Variants in ARHGAP15 observed in about 807,000 individuals in gnomAD.
The protein encoded by ARHGAP15 is Rho GTPase activating protein 15.
Under a neutral mutation model 63.7 loss-of-function variants are expected in ARHGAP15, and 51 were observed. The ratio of observed to expected loss-of-function variants is 0.80; its 90% CI spans 0.64 to 1.01. The LOEUF is 1.01. Ranked by LOEUF, ARHGAP15 falls within the 50% of genes least tolerant of loss-of-function variation. ARHGAP15 has a pLI of 0.00. For synonymous variants in ARHGAP15, 191 were observed against 193.8 expected, an observed-to-expected ratio of 0.99 and a Z score of 0.12; for missense variants, 560 against 564.6, an observed-to-expected ratio of 0.99 and a Z score of 0.08.
intron 9 of ARHGAP15, among the ~76,000 whole-genome samples, chr2:143,489,481 C>T (rs1462690033): frequency 2.0e-5 from 3 of 152,110 alleles, no homozygotes; most frequent in Non-Finnish European, 2.9e-5. Flanking sequence ...AATGTAGTCA[C>T]TTCTTGGGCT....
intron 2 of ARHGAP15, among the ~76,000 whole-genome samples, chr2:143,191,124 GT>G (rs1007890759): frequency 2.6e-5 from 4 of 152,238 alleles, no homozygotes; most frequent in South Asian, 2.1e-4. Flanking sequence ...AAAAGGTCAG[GT>G]TTTTTTCTTT....
chr2:143,574,176 A>G (rs1287670485), intron 11 of ARHGAP15, among the ~76,000 whole-genome samples: 1 of 152,128 alleles, frequency 6.6e-6, no homozygotes, highest in Non-Finnish European at 1.5e-5. Context: ...ACTCACTCAC[A>G]CACATCCCTT....
intron 6 of ARHGAP15, among the ~76,000 whole-genome samples, chr2:143,258,788 A>G (rs1007192644): frequency 3.3e-5 from 5 of 152,082 alleles, no homozygotes; most frequent in Admixed American, 2.0e-4. Context: ...GTTTAGATGC[A>G]TTTCTTTTTA....
intron 10 of ARHGAP15, among the ~76,000 whole-genome samples, chr2:143,519,807 G>T (rs2104984659): frequency 6.6e-6 from 1 of 152,262 alleles, no homozygotes; most frequent in Non-Finnish European, 1.5e-5. Flanking sequence ...ACATGTCTCT[G>T]TTCAGTACAG....
chr2:143,237,596 G>C (rs912180420), intron 5 of ARHGAP15: 4 of 152,146 alleles, frequency 2.6e-5, no homozygotes, highest in Non-Finnish European at 5.9e-5. Context: ...CATCTGTTTA[G>C]TGTCACACCC....
At chr2:143,459,880 C>T (rs1291403953) in intron 8 of ARHGAP15, among the ~76,000 whole-genome samples, 1 of 151,980 alleles carries the variant, frequency 6.6e-6, no homozygotes, top group Non-Finnish European at 1.5e-5. Flanking sequence ...AAGTATGAAG[C>T]ATACTTAGAA....
At chr2:143,528,453 T>A (rs964594303) in intron 10 of ARHGAP15, among the ~76,000 whole-genome samples, 3 of 152,108 alleles carry the variant, frequency 2.0e-5, no homozygotes, top group Non-Finnish European at 4.4e-5. Flanking sequence ...TGATAGAGAC[T>A]GTCCAATAAT....
intron 11 of ARHGAP15, chr2:143,607,869 A>T (rs1412332397): frequency 6.6e-6 from 1 of 152,134 alleles, no homozygotes; most frequent in Non-Finnish European, 1.5e-5. Flanking sequence ...GTTAATACTG[A>T]TCTGCACCAG....
intron 2 of ARHGAP15, among the ~76,000 whole-genome samples, chr2:143,170,976 G>A (rs1033965405): frequency 1.3e-5 from 2 of 151,866 alleles, no homozygotes; most frequent in African/African-American, 4.8e-5. Context: ...TACTTTAAAA[G>A]GTTTAGAATA....
chr2:143,679,641 G>T (rs531919946), intron 12 of ARHGAP15, among the ~76,000 whole-genome samples: 1 of 66,282 alleles, frequency 1.5e-5, no homozygotes, highest in South Asian at 1.0e-3. Context: ...TTGAATGAGG[G>T]GGTGCGTGTG....
chr2:143,236,663 A>C (rs1693663899), intron 5 of ARHGAP15: 1 of 152,208 alleles, frequency 6.6e-6, no homozygotes, highest in African/African-American at 2.4e-5. Flanking sequence ...GGAGGAAGTG[A>C]CATTTGAGCA....
intron 4 of ARHGAP15, among the ~76,000 whole-genome samples, chr2:143,218,041 A>G (rs1300299490): frequency 6.6e-6 from 1 of 152,134 alleles, no homozygotes; most frequent in Non-Finnish European, 1.5e-5. Context: ...TGTCAAGAGG[A>G]AGCAGAGAAG....
At position 143,241,830 on chromosome 2, in the gene ARHGAP15, G is replaced by A. The variant is rs74436583; in HGVS notation, c.385-8681G>A. ...AGGTACAAATCCAGGACAAGAGAGT[G>A]AAGTGAAAAGGAAGTCAGGCCAGAA... is the stretch of plus-strand genomic sequence containing the variant. On this transcript the variant is annotated intron_variant, in intron 5 of 13. Coordinates refer to ENST00000295095, the MANE Select transcript of ARHGAP15 (RefSeq NM_018460.4). Among the ~76,000 whole-genome samples the A allele has an allele frequency of 4.5e-3, 684 of 152,292 alleles. 6 individuals carry two copies. Among genetic ancestry groups the A allele is most frequent in the African/African-American group, 0.016 (653 of 41,556 alleles).
chr2:143,131,168 T>C (rs1310391637), intron 1 of ARHGAP15, among the ~76,000 whole-genome samples: 2 of 152,176 alleles, frequency 1.3e-5, no homozygotes, highest in African/African-American at 4.8e-5. Flanking sequence ...AAGAATGAAT[T>C]GAAGAGAGCT....
At chr2:143,513,697 C>T (rs374446624) in intron 9 of ARHGAP15, among the ~76,000 whole-genome samples, 6 of 152,296 alleles carry the variant, frequency 3.9e-5, no homozygotes, top group African/African-American at 1.4e-4. Context: ...GTCTAAATTC[C>T]ATTTCCATTC....
intron 5 of ARHGAP15, among the ~76,000 whole-genome samples, chr2:143,241,694 A>C (rs1006929907): frequency 2.6e-5 from 4 of 152,178 alleles, no homozygotes; most frequent in Non-Finnish European, 4.4e-5. Context: ...AGCACAACAC[A>C]CATTTTGGTG....
At chr2:143,673,222 C>G (rs1482866721) in intron 12 of ARHGAP15, among the ~76,000 whole-genome samples, 1 of 152,138 alleles carries the variant, frequency 6.6e-6, no homozygotes, top group Non-Finnish European at 1.5e-5. Context: ...TATATAGCAT[C>G]TAGAAAACAA....
At position 143,761,109 on chromosome 2, in the gene ARHGAP15, T is replaced by A. The variant is rs149397852; in HGVS notation, c.1245-6880T>A. On this transcript the variant is annotated intron_variant, in intron 13 of 13. Coordinates refer to ENST00000295095, the MANE Select transcript of ARHGAP15 (RefSeq NM_018460.4). Reference sequence around the variant, plus strand: ...AAGGCCAGTGTAGATAGCAGTACAGTTTGTGCAAATTGAGGGTAGGCAAGC... The same window carrying A: ...AAGGCCAGTGTAGATAGCAGTACAGATTGTGCAAATTGAGGGTAGGCAAGC... 6.0e-4 allele frequency among the ~76,000 whole-genome samples: 91 copies of A among 152,090 alleles called. No individual in the cohort carries two copies. The East Asian group carries it at 0.015, about 26-fold the overall frequency.
At chr2:143,291,898 G>A (rs1682417519) in intron 6 of ARHGAP15, among the ~76,000 whole-genome samples, 1 of 152,046 alleles carries the variant, frequency 6.6e-6, no homozygotes, top group African/African-American at 2.4e-5. Context: ...CCAGACACTG[G>A]AGAAATTTAA....
Sources: allele counts gnomAD v4.1 joint callset (sites outside exome capture counted in the v4.1 genomes callset), GRCh38; gene constraint gnomAD v4.1.1; transcripts MANE v1.5; gene names NCBI Gene and HGNC (gene_info 2026-07-23, HGNC 2026-07-21).